Variants in FKBP5 observed in about 807,000 individuals in gnomAD.
The protein encoded by FKBP5 is peptidyl-prolyl cis-trans isomerase FKBP5.
A neutral mutation model predicts 50.5 loss-of-function variants in FKBP5; 23 were observed. The observed-to-expected ratio is 0.46, with a 90% confidence interval of 0.33 to 0.65. The LOEUF (loss-of-function observed/expected upper bound fraction) is 0.65. Among genes scored for constraint, FKBP5 ranks in the 30% least tolerant of loss-of-function variants. FKBP5 has a pLI of 0.02. For synonymous variants in FKBP5, 176 were observed against 190.6 expected (o/e 0.92, Z 0.63); for missense variants, 411 against 553.1 (o/e 0.74, Z 2.58).
At chr6:35,616,252 TTGCAGTG>T (rs1763652945) in intron 5 of FKBP5, among the ~76,000 whole-genome samples, 3 of 140,572 alleles carry the variant, frequency 2.1e-5, no homozygotes, top group African/African-American at 8.0e-5. Flanking sequence ...GAGGTGGAGG[TTGCAGTG>T]AGCTGCGATA....
chr6:35,591,554 A>G (rs1292174443), intron 6 of FKBP5, among the ~76,000 whole-genome samples: 2 of 151,964 alleles, frequency 1.3e-5, no homozygotes, highest in African/African-American at 4.8e-5. Flanking sequence ...TTTTTTAATA[A>G]AATGGCCATG....
intron 2 of FKBP5, among the ~76,000 whole-genome samples, chr6:35,711,461 T>C (rs1766411263): frequency 1.3e-5 from 2 of 151,584 alleles, no homozygotes; most frequent in Non-Finnish European, 2.9e-5. Flanking sequence ...CTACTAAAAA[T>C]ACAAAAATTA....
chr6:35,587,024 A>C lies in FKBP5; in HGVS notation c.840+10T>G, dbSNP rs541250335. On this transcript the variant is annotated intron_variant, in intron 8 of 10. Coordinates refer to ENST00000357266, the MANE Select transcript of FKBP5 (RefSeq NM_004117.4). ...TTGAGATGGAAAGGATTGCATAGGG[A>C]CTCACACACCTTGAAGTATACGGTT... 1 of 1,613,782 alleles carries C rather than the reference A, an allele frequency of 6.2e-7. No individual in the cohort carries two copies. The highest frequency in any genetic ancestry group is 1.1e-5 in the South Asian group (1 of 91,072).
upstream of FKBP5, among the ~76,000 whole-genome samples, chr6:35,689,355 G>A (rs1765937467): frequency 6.6e-6 from 1 of 152,160 alleles, no homozygotes; most frequent in Non-Finnish European, 1.5e-5. Context: ...AGGTCAGCTG[G>A]CCAGGTTAGC....
Position 35,642,702 on chromosome 6 carries a change from TC to T in FKBP5, c.105+17del, listed in dbSNP as rs776510135. ...GACAGCAGGTTTCCTTGTATGTCAC[TC>T]AGCTTTGTGGCCTCACCTTTAATAC... On this transcript the variant is annotated intron_variant, in intron 2 of 10. Coordinates refer to ENST00000357266, the MANE Select transcript of FKBP5 (RefSeq NM_004117.4). 34 of 1,596,060 alleles carry T rather than the reference TC, an allele frequency of 2.1e-5. No individual in the cohort carries two copies. Among genetic ancestry groups the T allele is most frequent in the Non-Finnish European group, 2.6e-5 (30 of 1,165,384 alleles).
At chr6:35,579,180 TCTCC>T (rs1046100986) in intron 9 of FKBP5, among the ~76,000 whole-genome samples, 6 of 149,886 alleles carry the variant, frequency 4.0e-5, no homozygotes, top group African/African-American at 1.5e-4. Flanking sequence ...TCTCTCTCTC[TCTCC>T]GCTCTGTATG....
intron 3 of FKBP5, among the ~76,000 whole-genome samples, chr6:35,625,272 A>T (rs1763960265): frequency 6.6e-6 from 1 of 152,026 alleles, no homozygotes; most frequent in Non-Finnish European, 1.5e-5. Context: ...TTTGGTAGAG[A>T]CAGGGTTTCA....
intron 8 of FKBP5, chr6:35,582,907 A>C (rs1762480240): frequency 1.1e-6 from 1 of 910,956 alleles, no homozygotes; most frequent in Admixed American, 6.2e-5. Context: ...ATTGAAATCA[A>C]AGGAATGTAA....
chr6:35,611,591 GT>G (rs1297891023), intron 5 of FKBP5, among the ~76,000 whole-genome samples: 1 of 152,180 alleles, frequency 6.6e-6, no homozygotes, highest in Non-Finnish European at 1.5e-5. Flanking sequence ...AAGTAGCAAT[GT>G]AGCCAAGACC....
At chr6:35,721,858 G>A (rs953954670) in intron 1 of FKBP5, among the ~76,000 whole-genome samples, 2 of 152,236 alleles carry the variant, frequency 1.3e-5, no homozygotes, top group Non-Finnish European at 2.9e-5. Context: ...CAAAATGGGT[G>A]TAATAATCCT....
At chr6:35,612,126 C>G (rs946226608) in intron 5 of FKBP5, among the ~76,000 whole-genome samples, 4 of 152,110 alleles carry the variant, frequency 2.6e-5, no homozygotes, top group African/African-American at 7.2e-5. Context: ...CACAGTGGCT[C>G]ACGCCTGTAA....
chr6:35,654,560 C>T (rs1460598094), intron 1 of FKBP5, among the ~76,000 whole-genome samples: 1 of 152,190 alleles, frequency 6.6e-6, no homozygotes, highest in African/African-American at 2.4e-5. Context: ...TGTTTTACCC[C>T]CTGAAGCAAC....
intron 8 of FKBP5, chr6:35,584,140 C>T (rs751534777): frequency 1.3e-5 from 13 of 985,294 alleles, no homozygotes; most frequent in African/African-American, 5.2e-5. Context: ...GGGCAAAAAT[C>T]GTGTCTGTTT....
At chr6:35,695,858 C>T (rs1037017430) in intron 2 of FKBP5, among the ~76,000 whole-genome samples, 1 of 152,102 alleles carries the variant, frequency 6.6e-6, no homozygotes, top group Admixed American at 6.5e-5. Context: ...TAAAGACAGT[C>T]TTTAGGCCGG....
chr6:35,598,491 G>A (rs1429822135), intron 5 of FKBP5, among the ~76,000 whole-genome samples: 1 of 151,968 alleles, frequency 6.6e-6, no homozygotes, highest in Non-Finnish European at 1.5e-5. Flanking sequence ...CCAAAGCGCT[G>A]GGATTACAGG....
intron 2 of FKBP5, among the ~76,000 whole-genome samples, chr6:35,710,377 G>A (rs1766392631): frequency 6.6e-6 from 1 of 151,902 alleles, no homozygotes; most frequent in South Asian, 2.1e-4. Flanking sequence ...TCAGTGGGAG[G>A]ATCACCTGAG....
upstream of FKBP5, among the ~76,000 whole-genome samples, chr6:35,690,760 A>AC (rs1224751884): frequency 1.3e-5 from 2 of 152,086 alleles, no homozygotes; most frequent in Non-Finnish European, 2.9e-5. Context: ...TAATCCTAGC[A>AC]CTTTGGAAGA....
intron 9 of FKBP5, among the ~76,000 whole-genome samples, chr6:35,579,090 G>A (rs962894530): frequency 2.6e-5 from 4 of 151,630 alleles, no homozygotes; most frequent in South Asian, 4.2e-4. Context: ...AATAGCCACC[G>A]CACCCCAGCC....
At chr6:35,578,768 C>CAAA (rs11376572) in intron 9 of FKBP5, among the ~76,000 whole-genome samples, 11 of 134,898 alleles carry the variant, frequency 8.2e-5, no homozygotes, top group African/African-American at 1.7e-4. Context: ...ACTCCATCTC[C>CAAA]AAAAAAAAAA....
Sources: gnomAD v4.1 joint callset for allele counts (sites outside exome capture counted in the v4.1 genomes callset) on GRCh38, gnomAD v4.1.1 for gene constraint, MANE v1.5 for transcripts, NCBI Gene and HGNC (gene_info 2026-07-23, HGNC 2026-07-21) for gene names.